Variants in NAALADL2 observed in about 807,000 individuals in gnomAD.
NAALADL2 encodes inactive N-acetylated-alpha-linked acidic dipeptidase-like protein 2.
NAALADL2 carries 76 observed loss-of-function variants against 87.2 expected under a neutral mutation model. The ratio of observed to expected loss-of-function variants is 0.87; its 90% CI spans 0.72 to 1.05. The LOEUF is 1.05. Ranked by LOEUF, NAALADL2 falls within the 50% of genes least tolerant of loss-of-function variation. NAALADL2 has a pLI of 0.00. For missense variants in NAALADL2, 1,089 were observed against 945.8 expected, an observed-to-expected ratio of 1.15 and a Z score of -1.99; for synonymous variants, 354 against 331.0, an observed-to-expected ratio of 1.07 and a Z score of -0.75.
intron 1 of NAALADL2, among the ~76,000 whole-genome samples, chr3:174,953,162 C>T (rs1037888879): frequency 2.0e-5 from 3 of 151,900 alleles, no homozygotes; most frequent in African/African-American, 2.4e-5. Context: ...GATTAATAAG[C>T]ATAAAAGGCA....
chr3:175,644,590 C>A (rs1221861951), intron 11 of NAALADL2, among the ~76,000 whole-genome samples: 1 of 152,056 alleles, frequency 6.6e-6, no homozygotes, highest in East Asian at 1.9e-4. Context: ...TGATCCTATT[C>A]CTCAGTCTAT....
chr3:175,387,889 A>G (rs1768597086), intron 5 of NAALADL2, among the ~76,000 whole-genome samples: 1 of 152,126 alleles, frequency 6.6e-6, no homozygotes, highest in African/African-American at 2.4e-5. Context: ...AGAAAGTATT[A>G]TTATTACCAT....
chr3:174,708,284 TTCCATTGGG>T (rs1730290147), intron 2 of NAALADL2, among the ~76,000 whole-genome samples: 1 of 152,174 alleles, frequency 6.6e-6, no homozygotes, highest in South Asian at 2.1e-4. Context: ...TAATGAGACT[TTCCATTGGG>T]AAACTCCCCT....
At chr3:174,521,891 T>G (rs1390686936) in intron 1 of NAALADL2, among the ~76,000 whole-genome samples, 1 of 152,072 alleles carries the variant, frequency 6.6e-6, no homozygotes, top group Non-Finnish European at 1.5e-5. Context: ...CATTACACAA[T>G]GTATGCATGT....
At chr3:174,720,794 G>T (rs895452560) in intron 2 of NAALADL2, among the ~76,000 whole-genome samples, 10 of 152,098 alleles carry the variant, frequency 6.6e-5, no homozygotes, top group African/African-American at 2.2e-4. Context: ...ACCAGTTTGG[G>T]TATCCTTTGG....
chr3:175,376,330 A>G (rs1419694190), intron 5 of NAALADL2, among the ~76,000 whole-genome samples: 1 of 152,008 alleles, frequency 6.6e-6, no homozygotes, highest in Non-Finnish European at 1.5e-5. Context: ...GTTTTATTTT[A>G]CTTCAATTTT....
intron 3 of NAALADL2, among the ~76,000 whole-genome samples, chr3:174,798,907 C>A (rs898443915): frequency 6.6e-6 from 1 of 152,024 alleles, no homozygotes; most frequent in African/African-American, 2.4e-5. Context: ...TGGTGGCTCA[C>A]GCCTGTAATC....
intron 5 of NAALADL2, among the ~76,000 whole-genome samples, chr3:175,367,455 G>A (rs1765782715): frequency 6.6e-6 from 1 of 152,078 alleles, no homozygotes; most frequent in African/African-American, 2.4e-5. Context: ...GGGGCAATAC[G>A]GCCATTTTCA....
At chr3:174,579,600 A>T (rs538294036) in intron 2 of NAALADL2, among the ~76,000 whole-genome samples, 7 of 152,194 alleles carry the variant, frequency 4.6e-5, no homozygotes, top group Middle Eastern at 3.4e-3. Flanking sequence ...TTATGGAGAG[A>T]TGAATGTGTT....
chr3:174,926,759 T>A (rs927040500), intron 1 of NAALADL2, among the ~76,000 whole-genome samples: 1 of 152,026 alleles, frequency 6.6e-6, no homozygotes, highest in African/African-American at 2.4e-5. Flanking sequence ...ACATGATAAA[T>A]TGTAAAGATC....
chr3:174,809,135 G>C lies in NAALADL2; in HGVS notation c.-9+71389G>C, dbSNP rs191763041. On this transcript the variant is annotated intron_variant, in intron 3 of 3. Coordinates refer to the NAALADL2 transcript ENST00000434257. ...TTTTGTGTAGAAATCAATTGAAAAA[G>C]AAAACTGGGGAAACCTTTATTGTAA... is the stretch of plus-strand genomic sequence containing the variant. Among the ~76,000 whole-genome samples the C allele has an allele frequency of 1.4e-4, 22 of 152,120 alleles. No homozygotes were observed. In the East Asian group the frequency reaches 4.3e-3, roughly 29 times the overall value.
intron 5 of NAALADL2, among the ~76,000 whole-genome samples, chr3:175,406,314 C>T (rs1405311313): frequency 1.3e-5 from 2 of 152,152 alleles, no homozygotes; most frequent in South Asian, 2.1e-4. Context: ...AATACAGCTA[C>T]GTAACCATTG....
intron 2 of NAALADL2, among the ~76,000 whole-genome samples, chr3:174,598,406 C>T (rs1718121774): frequency 1.3e-5 from 2 of 152,090 alleles, no homozygotes; most frequent in Admixed American, 1.3e-4. Context: ...GAAATTGTCA[C>T]TTAATTAGGT....
intron 1 of NAALADL2, among the ~76,000 whole-genome samples, chr3:175,045,071 C>T (rs923134945): frequency 4.6e-5 from 7 of 151,964 alleles, no homozygotes; most frequent in African/African-American, 1.7e-4. Context: ...TGTTTTCTAA[C>T]ATAAAATTTT....
At chr3:175,074,055 G>A (rs1392567726) in intron 1 of NAALADL2, among the ~76,000 whole-genome samples, 1 of 151,976 alleles carries the variant, frequency 6.6e-6, no homozygotes, top group Non-Finnish European at 1.5e-5. Context: ...TAAGGGTGGG[G>A]ATTTTAGCTT....
Position 175,306,334 on chromosome 3 carries a change from C to T in NAALADL2, c.940-17841C>T, listed in dbSNP as rs560496928. 4.6e-5 allele frequency among the ~76,000 whole-genome samples: 7 copies of T among 151,892 alleles called. No individual in the cohort carries two copies. The East Asian group carries it at 1.2e-3, about 25-fold the overall frequency. On this transcript the variant is annotated intron_variant, in intron 4 of 13. Transcript: ENST00000454872. ...ATCTCATTTATCTTATTTATTTTAC[C>T]TATATAAGGCAAATACCATTAGAAA...
intron 13 of NAALADL2, among the ~76,000 whole-genome samples, chr3:175,798,715 ATTC>A (rs1339577804): frequency 6.6e-6 from 1 of 151,934 alleles, no homozygotes; most frequent in Non-Finnish European, 1.5e-5. Flanking sequence ...ATGTATTTTT[ATTC>A]TTCTACATTA....
At chr3:174,777,437 T>C (rs1291453900) in intron 3 of NAALADL2, among the ~76,000 whole-genome samples, 1 of 152,154 alleles carries the variant, frequency 6.6e-6, no homozygotes, top group African/African-American at 2.4e-5. Flanking sequence ...CTAATTGTAA[T>C]TGGTTTTAAG....
chr3:174,716,527 T>C (rs1259733325), intron 2 of NAALADL2, among the ~76,000 whole-genome samples: 2 of 152,066 alleles, frequency 1.3e-5, no homozygotes, highest in Non-Finnish European at 2.9e-5. Context: ...TATAAATATA[T>C]AGCAACTAAA....
Sources: allele counts gnomAD v4.1 joint callset (sites outside exome capture counted in the v4.1 genomes callset), GRCh38; gene constraint gnomAD v4.1.1; transcripts MANE v1.5; gene names NCBI Gene and HGNC (gene_info 2026-07-23, HGNC 2026-07-21).